RARB: variants seen among roughly 807,000 people sequenced by gnomAD.
The protein encoded by RARB is retinoic acid receptor beta.
In RARB, 17 loss-of-function variants were observed where a neutral mutation model predicts 51.9. The ratio of observed to expected loss-of-function variants is 0.33; its 90% CI spans 0.22 to 0.49. The LOEUF is 0.49. RARB is among the 20% of genes least tolerant of loss of function. The pLI is 0.99. For missense variants in RARB, 369 were observed against 550.8 expected (o/e 0.67, Z 3.30); for synonymous variants, 215 against 195.4 (o/e 1.10, Z -0.84).
At chr3:25,244,139 G>T (rs985279437) in intron 5 of RARB, among the ~76,000 whole-genome samples, 1 of 152,120 alleles carries the variant, frequency 6.6e-6, no homozygotes, top group Non-Finnish European at 1.5e-5. Flanking sequence ...TTGTGTTTCT[G>T]TGGGATCAGT....
intron 3 of RARB, among the ~76,000 whole-genome samples, chr3:25,518,223 G>A (rs375508525): frequency 4.6e-5 from 7 of 152,168 alleles, no homozygotes; most frequent in East Asian, 3.9e-4. Context: ...AGTCAGATTC[G>A]TATACTAAGT....
intron 2 of RARB, among the ~76,000 whole-genome samples, chr3:24,932,508 A>G (rs767736592): frequency 8.5e-5 from 13 of 152,158 alleles, no homozygotes; most frequent in Non-Finnish European, 1.9e-4. Flanking sequence ...AGTGCTCATT[A>G]GTGTACTCTA....
intron 3 of RARB, among the ~76,000 whole-genome samples, chr3:25,516,629 G>GTTTTTTTTTTTTTTT (rs1559446380): frequency 8.2e-6 from 1 of 122,634 alleles, no homozygotes; most frequent in Non-Finnish European, 1.6e-5. Context: ...TTATTTCCTT[G>GTTTTTTTTTTTTTTT]TCTTTTTTTT....
At chr3:25,105,829 A>G (rs1699488863) in intron 3 of RARB, among the ~76,000 whole-genome samples, 1 of 152,224 alleles carries the variant, frequency 6.6e-6, no homozygotes, top group Non-Finnish European at 1.5e-5. Flanking sequence ...CACTATCATG[A>G]ACATATATCT....
intron 5 of RARB, among the ~76,000 whole-genome samples, chr3:25,582,923 T>C (rs972900155): frequency 6.6e-6 from 1 of 152,196 alleles, no homozygotes; most frequent in African/African-American, 2.4e-5. Flanking sequence ...TTAACAGCTG[T>C]AATACCTAGC....
At chr3:24,989,774 CTTTTTTTTTTTTTTTTTTTTTTTTT>C (rs769275874) in intron 2 of RARB, among the ~76,000 whole-genome samples, 1 of 29,528 alleles carries the variant, frequency 3.4e-5, no homozygotes, top group Non-Finnish European at 6.2e-5. Context: ...ATATGTTTTT[CTTTTTTTTTTTTTTTTTTTTTTTTT>C]TTTTTTTTTT....
rs1575239391 is a variant in RARB at position 25,232,375 on chromosome 3, A to G, written c.178+57800A>G. On this transcript the variant is annotated intron_variant, in intron 5 of 11. Transcript: ENST00000383772. ...CATTTACAACCTAATTCTGAAAGTC[A>G]TTGCATTGAATCTATAGATTCATTT... Among the ~76,000 whole-genome samples the G allele has an allele frequency of 2.0e-5, 3 of 152,234 alleles. No homozygotes were observed. The East Asian group carries it at 5.8e-4, about 29-fold the overall frequency.
chr3:25,504,919 G>A (rs972754616), intron 3 of RARB, among the ~76,000 whole-genome samples: 12 of 151,730 alleles, frequency 7.9e-5, no homozygotes, highest in Admixed American at 6.6e-5. Context: ...CACCACGCCC[G>A]GCTAATTTTT....
intron 2 of RARB, among the ~76,000 whole-genome samples, chr3:25,017,848 G>A (rs1394647046): frequency 1.3e-5 from 2 of 152,172 alleles, no homozygotes; most frequent in Admixed American, 6.6e-5. Context: ...AATCCCCAGT[G>A]TGATGGTATT....
At chr3:25,315,512 C>T (rs1704399400) in intron 5 of RARB, among the ~76,000 whole-genome samples, 1 of 152,104 alleles carries the variant, frequency 6.6e-6, no homozygotes, top group South Asian at 2.1e-4. Context: ...ATCTTTTTAC[C>T]TAATTTGGCC....
intron 2 of RARB, among the ~76,000 whole-genome samples, chr3:25,467,663 G>A (rs966559466): frequency 1.3e-5 from 2 of 152,198 alleles, no homozygotes; most frequent in Non-Finnish European, 2.9e-5. Flanking sequence ...ACCTCCTAAG[G>A]GGAGAAGTGA....
intron 2 of RARB, among the ~76,000 whole-genome samples, chr3:25,040,414 G>A (rs564786315): frequency 6.6e-6 from 1 of 152,238 alleles, no homozygotes; most frequent in South Asian, 2.1e-4. Flanking sequence ...GTTCAAATGA[G>A]CTGGATTGGT....
chr3:25,413,064 C>T (rs933397971), intron 5 of RARB, among the ~76,000 whole-genome samples: 4 of 151,668 alleles, frequency 2.6e-5, no homozygotes, highest in Admixed American at 6.6e-5. Flanking sequence ...AAATATGACC[C>T]GAACACCAAA....
At chr3:25,194,209 T>C (rs1174906616) in intron 5 of RARB, among the ~76,000 whole-genome samples, 2 of 148,790 alleles carry the variant, frequency 1.3e-5, no homozygotes, top group Non-Finnish European at 3.0e-5. Context: ...ATTCAATACA[T>C]AGAAACAAAG....
At chr3:25,388,570 G>GT (rs1175248701) in intron 5 of RARB, among the ~76,000 whole-genome samples, 1 of 152,060 alleles carries the variant, frequency 6.6e-6, no homozygotes, top group African/African-American at 2.4e-5. Flanking sequence ...CAAAGAAATT[G>GT]TTTTTTTGCC....
At chr3:25,586,086 C>G (rs1314968818) in intron 5 of RARB, among the ~76,000 whole-genome samples, 1 of 152,134 alleles carries the variant, frequency 6.6e-6, no homozygotes, top group African/African-American at 2.4e-5. Context: ...CCTCTCTCTG[C>G]TATATCACCT....
intron 5 of RARB, among the ~76,000 whole-genome samples, chr3:25,422,685 A>C (rs893063656): frequency 1.3e-5 from 2 of 152,070 alleles, no homozygotes; most frequent in Non-Finnish European, 2.9e-5. Flanking sequence ...ATGATTCTGG[A>C]TGAAGTAATA....
In RARB at chr3:25,136,677, G is replaced by A. The variant is rs541330036; in HGVS notation, c.-280+4469G>A. On this transcript the variant is annotated intron_variant, in intron 4 of 11. Coordinates refer to the RARB transcript ENST00000383772. ...CACATACCTTCAATTAATAATACAC[G>A]TTAGAAGCAGTGTGCTAACTGGGAG... 1.2e-4 allele frequency among the ~76,000 whole-genome samples: 18 copies of A among 152,074 alleles called. 1 individual carries two copies. Among genetic ancestry groups the A allele is most frequent in the African/African-American group, 3.6e-4 (15 of 41,522 alleles).
chr3:25,030,018 G>A (rs1163918652), intron 2 of RARB, among the ~76,000 whole-genome samples: 1 of 152,200 alleles, frequency 6.6e-6, no homozygotes, highest in African/African-American at 2.4e-5. Flanking sequence ...CCGTTGGAAA[G>A]CCCTTTATTC....
Sources: allele counts gnomAD v4.1 joint callset (sites outside exome capture counted in the v4.1 genomes callset), GRCh38; gene constraint gnomAD v4.1.1; transcripts MANE v1.5; gene names NCBI Gene and HGNC (gene_info 2026-07-23, HGNC 2026-07-21).